The following DENND4C variants were observed in gnomAD, a reference collection of about 807,000 sequenced individuals.
DENND4C encodes DENN domain-containing protein 4C.
Under a neutral mutation model 203.0 loss-of-function variants are expected in DENND4C, and 108 were observed. The observed-to-expected ratio is 0.53, with a 90% CI of 0.46 to 0.62. The LOEUF (loss-of-function observed/expected upper bound fraction) is 0.62. DENND4C is among the 20% of genes least tolerant of loss of function. The pLI, the probability that DENND4C is intolerant of heterozygous loss-of-function variation, is 0.00. For synonymous variants in DENND4C, 871 were observed against 792.4 expected (o/e 1.10, Z -1.67); for missense variants, 2,481 against 2,301.2 (o/e 1.08, Z -1.60).
In DENND4C at chr9:19,343,548, G is replaced by T. The variant is rs548586969; in HGVS notation, c.3151+769G>T. On this transcript the variant is annotated intron_variant, in intron 22 of 32. Coordinates refer to ENST00000434457, the MANE Select transcript of DENND4C (RefSeq NM_001330640.2). ...TTAAACCAATGTAAAAGTACTCCTT[G>T]TTCTTAAAGTCTTTTCTCTTTGTAT... Among the ~76,000 whole-genome samples the T allele has an allele frequency of 1.1e-4, 16 of 152,310 alleles. No homozygotes were observed. The South Asian group carries it at 3.3e-3, about 32-fold the overall frequency.
At chr9:19,331,230 G>A (rs906220793) in intron 16 of DENND4C, among the ~76,000 whole-genome samples, 10 of 148,780 alleles carry the variant, frequency 6.7e-5, no homozygotes, top group African/African-American at 2.5e-4. Context: ...TTGAGATGGA[G>A]TATCGCTCTG....
rs75140950 is a variant in DENND4C at position 19,305,499 on chromosome 9, A to G, written c.1459A>G (p.Ile487Val). Reference sequence around the variant, plus strand: ...TGACCCACCACAAGATGTTGTTTGCATTGACTTGGATACGAACATGTTATA... The same window carrying G: ...TGACCCACCACAAGATGTTGTTTGCGTTGACTTGGATACGAACATGTTATA... ...LHDPPQDVVCIDLDTNMLYVS... is the reference protein window; with the variant it reads ...LHDPPQDVVCVDLDTNMLYVS... Residue 487 changes from isoleucine to valine, a missense_variant, in exon 10 of 33, where the codon ATT (isoleucine) becomes GTT (valine). This residue lies in a region of DENND4C where 2,289 missense variants were observed against 2,113.3 expected (regional missense o/e 1.08). Transcript: ENST00000434457. 9.0e-5 allele frequency: 145 copies of G among 1,613,178 alleles called. 1 individual carries two copies. In the East Asian group the frequency reaches 3.1e-3, roughly 34 times the overall value.
chr9:19,240,935 C>T, intron 1 of DENND4C, among the ~76,000 whole-genome samples: 1 of 152,146 alleles, frequency 6.6e-6, no homozygotes, highest in East Asian at 1.9e-4. Flanking sequence ...TGCACTCCAG[C>T]CTAGGCGACA....
At chr9:19,345,014 A>G (rs1223013499) in intron 22 of DENND4C, among the ~76,000 whole-genome samples, 4 of 152,074 alleles carry the variant, frequency 2.6e-5, no homozygotes. Flanking sequence ...TTCCACTTTC[A>G]TGATCAAATT....
chr9:19,336,099 A>G (rs1490568238), intron 18 of DENND4C, among the ~76,000 whole-genome samples, 171 bp from the exon 19 acceptor site: 2 of 151,728 alleles, frequency 1.3e-5, no homozygotes, highest in Admixed American at 1.3e-4. Flanking sequence ...CTTAATTTGC[A>G]TTTCTCTGAT....
chr9:19,267,586 G>C (rs1830768542), intron 1 of DENND4C, among the ~76,000 whole-genome samples: 1 of 152,026 alleles, frequency 6.6e-6, no homozygotes, highest in African/African-American at 2.4e-5. Flanking sequence ...CCCCAGGCTG[G>C]AGTGCAGTGG....
intron 20 of DENND4C, among the ~76,000 whole-genome samples, chr9:19,339,829 G>T (rs968952274): frequency 4.6e-5 from 7 of 152,084 alleles, no homozygotes; most frequent in Non-Finnish European, 1.0e-4. Context: ...AGATGATATT[G>T]TAGTATATAG....
intron 22 of DENND4C, among the ~76,000 whole-genome samples, chr9:19,344,452 C>G (rs903283579): frequency 6.6e-6 from 1 of 152,116 alleles, no homozygotes; most frequent in Admixed American, 6.5e-5. Context: ...GCCATGATTG[C>G]ACCACTGTAC....
At chr9:19,284,298 T>G (rs1834766458) in intron 2 of DENND4C, among the ~76,000 whole-genome samples, 1 of 152,200 alleles carries the variant, frequency 6.6e-6, no homozygotes. Flanking sequence ...ATCTTCCTCA[T>G]TTTTTGTGTG....
intron 22 of DENND4C, among the ~76,000 whole-genome samples, chr9:19,344,493 A>G (rs1822363221): frequency 6.6e-6 from 1 of 151,858 alleles, no homozygotes; most frequent in Non-Finnish European, 1.5e-5. Context: ...GCAAGACCCT[A>G]ACTTTGTTTG....
intron 23 of DENND4C, among the ~76,000 whole-genome samples, chr9:19,347,546 A>G (rs542968469): frequency 1.4e-4 from 21 of 152,308 alleles, no homozygotes; most frequent in African/African-American, 4.8e-4. Flanking sequence ...ATCTTTTTAA[A>G]AATATGTGAA....
intron 31 of DENND4C, 144 bp downstream of exon 31, chr9:19,370,131 T>G (rs1035932837): frequency 2.1e-6 from 2 of 975,320 alleles, no homozygotes; most frequent in Non-Finnish European, 3.1e-6. Context: ...TACACAGATA[T>G]ATACATTCCT....
chr9:19,241,284 ACT>A (rs901529314), intron 1 of DENND4C, among the ~76,000 whole-genome samples: 5 of 152,210 alleles, frequency 3.3e-5, no homozygotes, highest in South Asian at 2.1e-4. Flanking sequence ...TTGTTTTTTG[ACT>A]CTCGTAACAA....
intron 10 of DENND4C, among the ~76,000 whole-genome samples, chr9:19,315,168 AAAAAG>A (rs1841570189): frequency 6.6e-6 from 1 of 151,286 alleles, no homozygotes; most frequent in South Asian, 2.1e-4. Flanking sequence ...AAAAAAAAAA[AAAAAG>A]AAAAGAAAAA....
At chr9:19,316,278 T>G in intron 10 of DENND4C, 139 bp from the exon 11 acceptor site, 1 of 621,840 alleles carries the variant, frequency 1.6e-6, no homozygotes, top group Non-Finnish European at 2.8e-6. Flanking sequence ...GAAATTCACT[T>G]ATTCAAATTG....
chr9:19,313,084 A>T (rs1340933268), intron 10 of DENND4C, among the ~76,000 whole-genome samples: 1 of 152,018 alleles, frequency 6.6e-6, no homozygotes, highest in Non-Finnish European at 1.5e-5. Flanking sequence ...TGAATGAATT[A>T]TTCTGTTTTT....
intron 2 of DENND4C, among the ~76,000 whole-genome samples, chr9:19,284,122 A>AT (rs1228103141): frequency 6.6e-6 from 1 of 151,992 alleles, no homozygotes; most frequent in African/African-American, 2.4e-5. Flanking sequence ...ACAAATTGAC[A>AT]TTTTTTTTCA....
At chr9:19,314,383 G>T (rs942001505) in intron 10 of DENND4C, among the ~76,000 whole-genome samples, 1 of 151,922 alleles carries the variant, frequency 6.6e-6, no homozygotes, top group African/African-American at 2.4e-5. Context: ...GAACCTGGGA[G>T]GTGGAGGTTG....
chr9:19,339,275 A>G (rs1821109251), intron 20 of DENND4C, among the ~76,000 whole-genome samples: 1 of 152,200 alleles, frequency 6.6e-6, no homozygotes, highest in African/African-American at 2.4e-5. Context: ...ATACCACTTT[A>G]TAATTTATAT....
Sources: allele counts gnomAD v4.1 joint callset (sites outside exome capture counted in the v4.1 genomes callset), GRCh38; gene constraint gnomAD v4.1.1; regional missense constraint gnomAD v4.1.1; transcripts MANE v1.5; gene names NCBI Gene and HGNC (gene_info 2026-07-23, HGNC 2026-07-21).